SNX10: variants seen among roughly 807,000 people sequenced by gnomAD.
The protein encoded by SNX10 is sorting nexin 10.
Under a neutral mutation model 28.5 loss-of-function variants are expected in SNX10, and 25 were observed. That is an observed-to-expected ratio of 0.88 (90% CI 0.64 to 1.22). The LOEUF is 1.22. SNX10 is among the 50% of genes most tolerant of loss of function. The pLI is 0.00. For synonymous variants in SNX10, 62 were observed against 81.4 expected (o/e 0.76, Z 1.28); for missense variants, 223 against 242.6 (o/e 0.92, Z 0.54).
chr7:26,370,603 ATTGTT>A (rs1166175578), intron 5 of SNX10: 2 of 152,304 alleles, frequency 1.3e-5, no homozygotes, highest in Non-Finnish European at 2.9e-5. Flanking sequence ...TTAAGAAATA[ATTGTT>A]TTATTTTGTA....
intron 2 of SNX10, among the ~76,000 whole-genome samples, chr7:26,351,720 G>T (rs542356938): frequency 7.3e-6 from 1 of 136,970 alleles, no homozygotes; most frequent in African/African-American, 2.7e-5. Context: ...GCAGTGGTGC[G>T]ATCTCGACTC....
At chr7:26,323,737 G>A (rs1787394622) in intron 1 of SNX10, among the ~76,000 whole-genome samples, 1 of 152,198 alleles carries the variant, frequency 6.6e-6, no homozygotes, top group Non-Finnish European at 1.5e-5. Context: ...AGACTGCAGA[G>A]TCATTAGGAG....
intron 5 of SNX10, among the ~76,000 whole-genome samples, chr7:26,371,546 G>A (rs1441334490): frequency 6.6e-6 from 1 of 152,116 alleles, no homozygotes; most frequent in African/African-American, 2.4e-5. Context: ...ATGGTAATAA[G>A]AGATGGGTAA....
chr7:26,297,171 A>T (rs537676434), intron 1 of SNX10, among the ~76,000 whole-genome samples: 1 of 152,362 alleles, frequency 6.6e-6, no homozygotes, highest in South Asian at 2.1e-4. Flanking sequence ...ATCTCAGCTC[A>T]CTGCAACCTC....
At position 26,325,306 on chromosome 7, in the gene SNX10, A is replaced by ATATAT. The variant is rs1787457774; in HGVS notation, c.-23-21114_-23-21113insTATAT. The stretch of plus-strand genomic sequence containing the variant: ...AATTTTTTTCTACTGAAGTTTGCAA[A>ATATAT]ATATATATATATATATATATATTTG... On this transcript the variant is annotated intron_variant, in intron 1 of 6. Coordinates refer to ENST00000338523, the MANE Select transcript of SNX10 (RefSeq NM_013322.3). 1.0e-3 allele frequency among the ~76,000 whole-genome samples: 53 copies of ATATAT among 51,352 alleles called. 1 individual carries two copies. Among genetic ancestry groups the ATATAT allele is most frequent in the Non-Finnish European group, 1.6e-3 (29 of 17,942 alleles). 33.7% of individuals were successfully genotyped at this position (51,352 alleles called of 152,430 possible). A position where few individuals can be genotyped will look rare whatever the true frequency, so the allele number is the denominator to read the frequency against.
intron 1 of SNX10, among the ~76,000 whole-genome samples, chr7:26,310,337 C>T (rs1786778626): frequency 6.6e-6 from 1 of 152,232 alleles, no homozygotes; most frequent in Non-Finnish European, 1.5e-5. Flanking sequence ...ATATGCCAGG[C>T]ACTGTGCTAA....
chr7:26,368,734 A>G (rs1268694446), intron 5 of SNX10, among the ~76,000 whole-genome samples: 2 of 152,198 alleles, frequency 1.3e-5, no homozygotes, highest in Non-Finnish European at 2.9e-5. Context: ...TTTGTGTTCA[A>G]TAGAGGGCAC....
intron 2 of SNX10, among the ~76,000 whole-genome samples, chr7:26,352,721 A>G (rs1280736402): frequency 6.6e-6 from 1 of 152,236 alleles, no homozygotes; most frequent in East Asian, 1.9e-4. Context: ...CATATCATCA[A>G]ATATTCAATG....
chr7:26,360,865 A>G, intron 2 of SNX10, 110 bp from the exon 3 acceptor site: 1 of 1,525,020 alleles, frequency 6.6e-7, no homozygotes, highest in Non-Finnish European at 8.7e-7. Context: ...CAAGTACCAC[A>G]TTGGTTAAAG....
rs376190699 is a variant in SNX10 at position 26,325,306 on chromosome 7, A to T, written c.-23-21114A>T. Among the ~76,000 whole-genome samples the T allele has an allele frequency of 4.6e-3, 233 of 51,174 alleles. 20 individuals carry two copies. The highest frequency in any genetic ancestry group is 0.022 in the Middle Eastern group (2 of 90). The allele number at this position is 51,174 out of a possible 152,430, so 33.6% of individuals were successfully genotyped here. The stretch of plus-strand genomic sequence containing the variant: ...AATTTTTTTCTACTGAAGTTTGCAA[A>T]ATATATATATATATATATATATTTG... On this transcript the variant is annotated intron_variant, in intron 1 of 6. Transcript: ENST00000338523.
chr7:26,358,805 G>GTTTTTGTTTTTTTTTTTTTTTTTTTTTTT (rs1554360948), intron 2 of SNX10, among the ~76,000 whole-genome samples: 1 of 100,112 alleles, frequency 1.0e-5, no homozygotes, highest in African/African-American at 4.4e-5. Context: ...GTTATCTTGT[G>GTTTTTGTTTTTTTTTTTTTTTTTTTTTTT]TTTTTTTTTT....
At chr7:26,315,309 TTATC>T (rs1275306230) in intron 1 of SNX10, among the ~76,000 whole-genome samples, 1 of 152,196 alleles carries the variant, frequency 6.6e-6, no homozygotes, top group African/African-American at 2.4e-5. Context: ...ATACAGTACA[TTATC>T]TAATAAACAG....
intron 1 of SNX10, among the ~76,000 whole-genome samples, chr7:26,322,396 A>G (rs1212262968): frequency 1.3e-5 from 2 of 152,240 alleles, no homozygotes; most frequent in Non-Finnish European, 2.9e-5. Context: ...CTCCCAAAAT[A>G]AGAAAGACAT....
chr7:26,302,065 C>T (rs1019639818), intron 1 of SNX10, among the ~76,000 whole-genome samples: 2 of 152,142 alleles, frequency 1.3e-5, no homozygotes, highest in Admixed American at 6.6e-5. Flanking sequence ...CATAGACAAC[C>T]AGGGCTTTGT....
chr7:26,364,038 T>C lies in SNX10; in HGVS notation c.112-497T>C, dbSNP rs2699811. On this transcript the variant is annotated intron_variant, in intron 3 of 6. Coordinates refer to ENST00000338523, the MANE Select transcript of SNX10 (RefSeq NM_013322.3). This position sits in a 1 kb window ranked among gnomAD's most constrained non-coding sequence, Gnocchi z 4.9. ...CAGTAGAGAAGGGAATGCTGTTCTCTAGGATTTCTGGTGATTTGTATGATC... is the reference window on the plus strand; with the variant it reads ...CAGTAGAGAAGGGAATGCTGTTCTCCAGGATTTCTGGTGATTTGTATGATC... 0.44 allele frequency among the ~76,000 whole-genome samples: 67,525 copies of C among 151,890 alleles called. 15,767 individuals carry two copies. The highest frequency in any genetic ancestry group is 0.6 in the Middle Eastern group (176 of 294).
At chr7:26,346,538 A>G in intron 2 of SNX10, 72 bp downstream of exon 2, 1 of 1,136,452 alleles carries the variant, frequency 8.8e-7, no homozygotes, top group South Asian at 1.2e-5. Flanking sequence ...TTCATTTGCG[A>G]ACCATAAACC....
chr7:26,338,391 G>A (rs1039922893), intron 1 of SNX10, among the ~76,000 whole-genome samples: 1 of 152,020 alleles, frequency 6.6e-6, no homozygotes, highest in South Asian at 2.1e-4. Context: ...CGGCGAGAGA[G>A]TAATTTACGC....
At chr7:26,355,023 G>A (rs1409925965) in intron 2 of SNX10, among the ~76,000 whole-genome samples, 1 of 152,018 alleles carries the variant, frequency 6.6e-6, no homozygotes, top group Non-Finnish European at 1.5e-5. Flanking sequence ...TAAGGTGCAC[G>A]CTTTAGGTTG....
chr7:26,301,018 C>CAAAAAAAAAA (rs1786315488), intron 1 of SNX10, among the ~76,000 whole-genome samples: 1 of 63,912 alleles, frequency 1.6e-5, no homozygotes, highest in African/African-American at 5.7e-5. Flanking sequence ...TACTCTGTCT[C>CAAAAAAAAAA]CAAAAAAAAA....
Sources: gnomAD v4.1 joint callset for allele counts (sites outside exome capture counted in the v4.1 genomes callset) on GRCh38, gnomAD v4.1.1 for gene constraint, Gnocchi (gnomAD v3.1) non-coding constraint, MANE v1.5 for transcripts, NCBI Gene and HGNC (gene_info 2026-07-23, HGNC 2026-07-21) for gene names.